The following CSMD1 variants were observed in gnomAD, a reference collection of about 807,000 sequenced individuals.
CSMD1 encodes CUB and sushi domain-containing protein 1.
CSMD1 carries 213 observed loss-of-function variants against 417.5 expected under a neutral mutation model. That is an observed-to-expected ratio of 0.51 (90% CI 0.46 to 0.57). The LOEUF (loss-of-function observed/expected upper bound fraction) is 0.57. Among genes scored for constraint, CSMD1 ranks in the 20% least tolerant of loss-of-function variants. The pLI is 0.00. For missense variants in CSMD1, 6,923 were observed against 4,529.7 expected (o/e 1.53, Z -15.17); for synonymous variants, 2,862 against 1,736.8 (o/e 1.65, Z -16.11).
At chr8:3,206,402 GGGTTATGTC>G (rs1257753838) in intron 30 of CSMD1, among the ~76,000 whole-genome samples, 4 of 126,952 alleles carry the variant, frequency 3.2e-5, no homozygotes, top group African/African-American at 9.0e-5. Context: ...TGTGTGTGGG[GGGTTATGTC>G]TGTGTGTGTA....
chr8:3,640,519 A>C (rs1371912219), intron 7 of CSMD1, among the ~76,000 whole-genome samples: 4 of 152,218 alleles, frequency 2.6e-5, no homozygotes. Flanking sequence ...AGGTTATCTC[A>C]GAAAAATGTG....
intron 49 of CSMD1, among the ~76,000 whole-genome samples, chr8:3,065,602 A>G (rs145469945): frequency 0.012 from 1,782 of 152,318 alleles, 39 homozygotes; most frequent in African/African-American, 0.04. Context: ...CGATAGGAAG[A>G]TAGAAAGATA....
At chr8:3,927,260 A>G (rs1051276053) in intron 5 of CSMD1, among the ~76,000 whole-genome samples, 2 of 152,074 alleles carry the variant, frequency 1.3e-5, no homozygotes, top group African/African-American at 4.8e-5. Context: ...AAATAAATAT[A>G]TAGCAGACAT....
At chr8:4,255,105 C>CT (rs1257578343) in intron 3 of CSMD1, among the ~76,000 whole-genome samples, 1 of 152,176 alleles carries the variant, frequency 6.6e-6, no homozygotes, top group Non-Finnish European at 1.5e-5. Context: ...CTCGGTCTCT[C>CT]TACTTCTTCC....
intron 1 of CSMD1, among the ~76,000 whole-genome samples, chr8:4,652,940 G>A (rs1303759556): frequency 1.3e-5 from 2 of 151,460 alleles, no homozygotes; most frequent in Non-Finnish European, 2.9e-5. Flanking sequence ...TAATGTGAGT[G>A]ATAGGGAGTG....
intron 25 of CSMD1, among the ~76,000 whole-genome samples, chr8:3,286,827 T>A (rs1440888092): frequency 4.6e-5 from 7 of 152,078 alleles, no homozygotes; most frequent in East Asian, 3.9e-4. Context: ...CTTTAGTTTA[T>A]TTAGATCCCA....
At chr8:4,773,950 C>G (rs546929999) in intron 1 of CSMD1, among the ~76,000 whole-genome samples, 1 of 152,344 alleles carries the variant, frequency 6.6e-6, no homozygotes, top group African/African-American at 2.4e-5. Flanking sequence ...AATCTCAGCA[C>G]TTTTTGAGGC....
At chr8:4,802,294 T>C (rs556610670) in intron 1 of CSMD1, among the ~76,000 whole-genome samples, 3 of 152,254 alleles carry the variant, frequency 2.0e-5, no homozygotes, top group East Asian at 3.9e-4. Context: ...GGTTTCAGGC[T>C]CATCTTGACC....
intron 26 of CSMD1, among the ~76,000 whole-genome samples, chr8:3,268,874 G>C (rs1316870600): frequency 6.6e-6 from 1 of 152,088 alleles, no homozygotes; most frequent in Non-Finnish European, 1.5e-5. Flanking sequence ...CTTCCAACAT[G>C]AGCTGGATTC....
intron 2 of CSMD1, among the ~76,000 whole-genome samples, chr8:4,509,746 T>C (rs1215968874): frequency 1.3e-5 from 2 of 152,148 alleles, no homozygotes; most frequent in Non-Finnish European, 2.9e-5. Context: ...CATGTGATGA[T>C]TTACTTAGTT....
chr8:3,643,700 CAAAAAAAA>C (rs66500235), intron 7 of CSMD1, among the ~76,000 whole-genome samples: 2 of 85,354 alleles, frequency 2.3e-5, no homozygotes, highest in Admixed American at 1.3e-4. Context: ...GACTCCGTCT[CAAAAAAAA>C]AAAAAAAAAA....
chr8:4,431,525 A>G (rs113426114), intron 2 of CSMD1, among the ~76,000 whole-genome samples: 40 of 151,808 alleles, frequency 2.6e-4, no homozygotes, highest in African/African-American at 8.7e-4. Context: ...GTTACACTTT[A>G]TAACACCCGA....
At chr8:3,862,148 G>C (rs777005537) in intron 5 of CSMD1, among the ~76,000 whole-genome samples, 49 of 152,150 alleles carry the variant, frequency 3.2e-4, no homozygotes, top group Middle Eastern at 3.4e-3. Flanking sequence ...ATTTAATTCA[G>C]TTCTCTATTG....
chr8:3,906,849 T>G (rs931784760), intron 5 of CSMD1, among the ~76,000 whole-genome samples: 1 of 152,146 alleles, frequency 6.6e-6, no homozygotes, highest in African/African-American at 2.4e-5. Flanking sequence ...GCATTGTCAT[T>G]TTGTACATAA....
intron 49 of CSMD1, among the ~76,000 whole-genome samples, chr8:3,058,657 G>A (rs1008786215): frequency 1.3e-5 from 2 of 151,902 alleles, no homozygotes; most frequent in Non-Finnish European, 2.9e-5. Context: ...CATGCTGATG[G>A]CACTAATATC....
At chr8:3,317,180 T>C (rs1342077887) in intron 23 of CSMD1, among the ~76,000 whole-genome samples, 1 of 152,176 alleles carries the variant, frequency 6.6e-6, no homozygotes, top group African/African-American at 2.4e-5. Context: ...CACATAATGA[T>C]TCTGATCTTC....
At chr8:4,152,094 TTA>T (rs1257019537) in intron 3 of CSMD1, among the ~76,000 whole-genome samples, 2 of 152,184 alleles carry the variant, frequency 1.3e-5, no homozygotes, top group East Asian at 3.9e-4. Flanking sequence ...AAGTCCAGAT[TTA>T]TATGGGTAAT....
At chr8:4,285,398 A>T (rs1284428833) in intron 3 of CSMD1, among the ~76,000 whole-genome samples, 1 of 152,224 alleles carries the variant, frequency 6.6e-6, no homozygotes, top group Non-Finnish European at 1.5e-5. Context: ...ATTTGTGGCC[A>T]TGAATCTTGA....
chr8:4,179,583 C>T (rs1258223149), intron 3 of CSMD1, among the ~76,000 whole-genome samples: 1 of 151,354 alleles, frequency 6.6e-6, no homozygotes, highest in Non-Finnish European at 1.5e-5. Flanking sequence ...CAAATGGAAT[C>T]TAATTAAACT....
Sources: allele counts gnomAD v4.1 joint callset (sites outside exome capture counted in the v4.1 genomes callset), GRCh38; gene constraint gnomAD v4.1.1; transcripts MANE v1.5; gene names NCBI Gene and HGNC (gene_info 2026-07-23, HGNC 2026-07-21).